Variants in FGD4 observed in about 807,000 individuals in gnomAD.
FGD4 encodes the protein FYVE, RhoGEF and PH domain containing 4.
In FGD4, 42 loss-of-function variants were observed where a neutral mutation model predicts 102.0. The observed-to-expected ratio is 0.41, with a 90% CI of 0.32 to 0.53. The LOEUF is 0.53. Ranked by LOEUF, FGD4 falls within the 20% of genes least tolerant of loss-of-function variation. The pLI, the probability that FGD4 is intolerant of heterozygous loss-of-function variation, is 0.21. For missense variants in FGD4, 902 were observed against 1,078.2 expected (o/e 0.84, Z 2.29); for synonymous variants, 380 against 375.7 (o/e 1.01, Z -0.13).
intron 1 of FGD4, among the ~76,000 whole-genome samples, chr12:32,486,925 T>C (rs1226219986): frequency 6.6e-6 from 1 of 152,146 alleles, no homozygotes; most frequent in East Asian, 1.9e-4. Context: ...TTTTGAGGTG[T>C]TTTTCCTCTT....
intron 4 of FGD4, among the ~76,000 whole-genome samples, chr12:32,588,342 A>T (rs1000180645): frequency 2.0e-5 from 3 of 152,208 alleles, no homozygotes; most frequent in Non-Finnish European, 4.4e-5. Context: ...GTTGAGATGG[A>T]GAGTTAAGAC....
At chr12:32,595,162 T>C (rs563685949) in intron 4 of FGD4, among the ~76,000 whole-genome samples, 1 of 152,350 alleles carries the variant, frequency 6.6e-6, no homozygotes, top group African/African-American at 2.4e-5. Flanking sequence ...AGGTGTCTTA[T>C]GTAATTACTA....
chr12:32,614,539 A>C (rs1403782391), intron 10 of FGD4, among the ~76,000 whole-genome samples: 1 of 152,238 alleles, frequency 6.6e-6, no homozygotes, highest in East Asian at 1.9e-4. Context: ...AAAAGATTTT[A>C]GCAGAAAAAC....
chr12:32,600,588 C>CTTTTTTTTTTTTTTTTTTTT (rs1245510421), intron 5 of FGD4: 13 of 256,620 alleles, frequency 5.1e-5, no homozygotes, highest in African/African-American at 3.9e-4. Context: ...TTCTTTCTTT[C>CTTTTTTTTTTTTTTTTTTTT]TTTCTTTTTT....
intron 1 of FGD4, among the ~76,000 whole-genome samples, chr12:32,484,818 G>A (rs1943848383): frequency 6.6e-6 from 1 of 152,084 alleles, no homozygotes; most frequent in African/African-American, 2.4e-5. Flanking sequence ...GTTGCAGTGA[G>A]CCAAGATCAC....
At chr12:32,539,484 G>A (rs959104134) in intron 1 of FGD4, among the ~76,000 whole-genome samples, 1 of 151,946 alleles carries the variant, frequency 6.6e-6, no homozygotes, top group Middle Eastern at 3.4e-3. Flanking sequence ...CAGGACAATC[G>A]CTTGAACCTG....
At chr12:32,531,019 G>A (rs61928287) in intron 1 of FGD4, among the ~76,000 whole-genome samples, 7,363 of 132,790 alleles carry the variant, frequency 0.055, 264 homozygotes, top group South Asian at 0.11. Context: ...TGGTGCGATC[G>A]CGGCTCACTG....
At chr12:32,470,752 C>A (rs1303172446) in intron 1 of FGD4, among the ~76,000 whole-genome samples, 1 of 152,180 alleles carries the variant, frequency 6.6e-6, no homozygotes, top group Admixed American at 6.5e-5. Flanking sequence ...CTGCGCCCGG[C>A]CTGCTTTGAA....
chr12:32,603,394 T>A (rs570216171), intron 7 of FGD4, among the ~76,000 whole-genome samples: 54 of 152,050 alleles, frequency 3.6e-4, no homozygotes, highest in Admixed American at 1.2e-3. Context: ...TTATTTATTT[T>A]TTTTTTTGGA....
At chr12:32,497,291 C>T (rs928564871) in intron 1 of FGD4, among the ~76,000 whole-genome samples, 3 of 147,138 alleles carry the variant, frequency 2.0e-5, no homozygotes, top group African/African-American at 7.3e-5. Flanking sequence ...TATTTCAATG[C>T]ATTTTATCTT....
intron 1 of FGD4, among the ~76,000 whole-genome samples, chr12:32,522,879 A>G (rs1210733392): frequency 2.0e-5 from 3 of 152,368 alleles, no homozygotes; most frequent in African/African-American, 7.2e-5. Flanking sequence ...TGTAAACCAC[A>G]GTGTTTGCAA....
intron 4 of FGD4, among the ~76,000 whole-genome samples, chr12:32,584,209 C>T (rs1946828251): frequency 6.6e-6 from 1 of 152,142 alleles, no homozygotes; most frequent in African/African-American, 2.4e-5. Context: ...CTCTGCAGAG[C>T]GGTTGATGCG....
At chr12:32,509,241 CTTT>C (rs35053299) in intron 1 of FGD4, among the ~76,000 whole-genome samples, 13 of 132,642 alleles carry the variant, frequency 9.8e-5, no homozygotes, top group Non-Finnish European at 1.3e-4. Context: ...CTTTTATTCT[CTTT>C]TTTTTTTTTT....
chr12:32,607,896 G>A (rs1565900449), intron 7 of FGD4, 61 bp from the exon 8 acceptor site: 1 of 1,595,518 alleles, frequency 6.3e-7, no homozygotes, highest in East Asian at 2.2e-5. Context: ...GTTTTACAGT[G>A]AGTTTTTAGA....
chr12:32,422,153 A>G (rs141137682), intron 1 of FGD4, among the ~76,000 whole-genome samples: 2,654 of 151,686 alleles, frequency 0.017, 80 homozygotes, highest in African/African-American at 0.06. Context: ...CAAAAAAAAA[A>G]AAAGAAAAAG....
At position 32,575,527 on chromosome 12, in the gene FGD4, C is replaced by T. The variant is rs377285756; in HGVS notation, c.320-739C>T. On this transcript the variant is annotated intron_variant, in intron 2 of 16. Transcript: ENST00000534526. The stretch of plus-strand genomic sequence containing the variant: ...GGGATCTGCACACATGACTCAAACC[C>T]CTCCTATAGTTCCCACCTCCAACAT... 2.3e-4 allele frequency among the ~76,000 whole-genome samples: 35 copies of T among 152,268 alleles called. No homozygotes were observed. The East Asian group carries it at 3.7e-3, about 16-fold the overall frequency.
intron 4 of FGD4, among the ~76,000 whole-genome samples, chr12:32,584,185 A>G (rs945609837): frequency 6.6e-6 from 1 of 152,214 alleles, no homozygotes; most frequent in African/African-American, 2.4e-5. Flanking sequence ...ATGTGGGAAG[A>G]AAAAGCAAAT....
chr12:32,620,520 C>CTTTCTTTCTTTTTTTTTTTTTTTTTTTT, intron 11 of FGD4, among the ~76,000 whole-genome samples: 1 of 91,136 alleles, frequency 1.1e-5, no homozygotes, highest in Non-Finnish European at 2.0e-5. Flanking sequence ...TTTTTTCTTT[C>CTTTCTTTCTTTTTTTTTTTTTTTTTTTT]TTTTTTTTTT....
intron 1 of FGD4, among the ~76,000 whole-genome samples, chr12:32,464,083 C>T (rs1292316547): frequency 6.6e-6 from 1 of 152,142 alleles, no homozygotes; most frequent in East Asian, 1.9e-4. Context: ...TTAATGTTTG[C>T]TAAGCACTTA....
Sources: gnomAD v4.1 joint callset for allele counts (sites outside exome capture counted in the v4.1 genomes callset) on GRCh38, gnomAD v4.1.1 for gene constraint, MANE v1.5 for transcripts, NCBI Gene and HGNC (gene_info 2026-07-23, HGNC 2026-07-21) for gene names.